Variants in RPAP2 observed in about 807,000 individuals in gnomAD.
The protein encoded by RPAP2 is RNA polymerase II associated protein 2, also known as putative RNA polymerase II subunit B1 CTD phosphatase RPAP2.
Under a neutral mutation model 73.1 loss-of-function variants are expected in RPAP2, and 52 were observed. The observed-to-expected ratio is 0.71, with a 90% confidence interval of 0.57 to 0.90. The LOEUF (loss-of-function observed/expected upper bound fraction) is 0.90, where lower values mean the gene tolerates loss of function less well. Among genes scored for constraint, RPAP2 ranks in the 40% least tolerant of loss-of-function variants. The pLI is 0.00. For synonymous variants in RPAP2, 225 were observed against 242.1 expected, an observed-to-expected ratio of 0.93 and a Z score of 0.65; for missense variants, 598 against 701.8, an observed-to-expected ratio of 0.85 and a Z score of 1.67.
chr1:92,312,330 A>G (rs1326715284), intron 6 of RPAP2, among the ~76,000 whole-genome samples: 1 of 152,018 alleles, frequency 6.6e-6, no homozygotes. Flanking sequence ...TGAGACTAGA[A>G]GATCACTTGA....
At chr1:92,371,838 G>A (rs1655166269) in intron 11 of RPAP2, among the ~76,000 whole-genome samples, 1 of 142,016 alleles carries the variant, frequency 7.0e-6, no homozygotes, top group South Asian at 2.2e-4. Context: ...GCTGCAGTGA[G>A]CTCCGATTGC....
intron 12 of RPAP2, among the ~76,000 whole-genome samples, chr1:92,381,124 G>A (rs6692060): frequency 0.86 from 131,196 of 151,956 alleles, 57,057 homozygotes; most frequent in East Asian, 1. Context: ...AGTCCAGGAA[G>A]CTCCGCATTA....
rs967717708 is a variant in RPAP2, at chr1:92,395,484, A to G, written c.*8473A>G. 1 of 151,968 alleles carries G rather than the reference A, an allele frequency of 6.6e-6. No individual in the cohort carries two copies. The highest frequency in any genetic ancestry group is 2.4e-5 in the African/African-American group (1 of 41,370). The allele number at this position is 151,968 out of a possible 1,614,324, so 9.4% of individuals were successfully genotyped here. A position where few individuals can be genotyped will look rare whatever the true frequency, so the allele number is the denominator to read the frequency against. ...AATGCCATCTCCACAAAAAATACAA[A>G]AATTAACCAGGCATGGTGGCGTGCT... On this transcript the variant is annotated 3_prime_UTR_variant, in exon 13 of 13. Coordinates refer to ENST00000610020, the MANE Select transcript of RPAP2 (RefSeq NM_024813.3).
At chr1:92,316,040 G>A (rs1651885759) in intron 6 of RPAP2, among the ~76,000 whole-genome samples, 1 of 152,162 alleles carries the variant, frequency 6.6e-6, no homozygotes, top group African/African-American at 2.4e-5. Flanking sequence ...AATCCTGTTT[G>A]GCTAAATGTA....
intron 10 of RPAP2, 104 bp from the exon 11 acceptor site, chr1:92,345,742 A>G: frequency 1.5e-6 from 1 of 677,302 alleles, no homozygotes; most frequent in Non-Finnish European, 2.5e-6. Flanking sequence ...TTTTAAAAAA[A>G]AGTGCTTCTT....
At chr1:92,322,817 C>T (rs533790656) in intron 7 of RPAP2, among the ~76,000 whole-genome samples, 1 of 151,418 alleles carries the variant, frequency 6.6e-6, no homozygotes, top group African/African-American at 2.4e-5. Flanking sequence ...GCAGAGGTTG[C>T]AGTGAGCTGA....
chr1:92,388,563 G>T lies in RPAP2; in HGVS notation c.*1552G>T, dbSNP rs541489388. 1 of 152,356 alleles carries T rather than the reference G, an allele frequency of 6.6e-6. No individual in the cohort carries two copies. The highest frequency in any genetic ancestry group is 1.9e-4 in the East Asian group (1 of 5,182). The allele number at this position is 152,356 out of a possible 1,614,324, so 9.4% of individuals were successfully genotyped here. On this transcript the variant is annotated 3_prime_UTR_variant, in exon 13 of 13. Coordinates refer to ENST00000610020, the MANE Select transcript of RPAP2 (RefSeq NM_024813.3). The stretch of plus-strand genomic sequence containing the variant: ...AGAGGGTTAGCCGAAGCAAGGTGGG[G>T]CATCGCCTCACCTGGGAAGCGCCAA...
chr1:92,303,888 T>TGA (rs1651030233), intron 3 of RPAP2, 89 bp from the exon 4 acceptor site: 2 of 815,840 alleles, frequency 2.5e-6, no homozygotes, highest in African/African-American at 1.8e-5. Context: ...TATCCCTGTG[T>TGA]TTTCAGATAA....
chr1:92,388,963 A>G lies in RPAP2; in HGVS notation c.*1952A>G, dbSNP rs556684108. The G allele has an allele frequency of 6.6e-6, 1 of 152,434 alleles. No homozygotes were observed. Among genetic ancestry groups the G allele is most frequent in the African/African-American group, 2.4e-5 (1 of 41,592 alleles). The allele number at this position is 152,434 out of a possible 1,614,324, so 9.4% of individuals were successfully genotyped here. On this transcript the variant is annotated 3_prime_UTR_variant, in exon 13 of 13. Transcript: ENST00000610020. ...TAGATTCCACCTCCAGGGGCAGGGC[A>G]TATCTGAACAAAAGGCAGCAGACAG...
At chr1:92,322,509 G>A (rs935231001) in intron 7 of RPAP2, among the ~76,000 whole-genome samples, 5 of 149,584 alleles carry the variant, frequency 3.3e-5, no homozygotes, top group South Asian at 2.1e-4. Context: ...TTGCCACTGC[G>A]CTCCAGCCTG....
intron 11 of RPAP2, among the ~76,000 whole-genome samples, chr1:92,366,214 G>T (rs1010817483): frequency 2.0e-5 from 3 of 152,140 alleles, no homozygotes; most frequent in African/African-American, 7.2e-5. Flanking sequence ...GAGGTAGAAG[G>T]ATTGCTTGAG....
At chr1:92,339,972 C>T (rs1290233614) in intron 10 of RPAP2, among the ~76,000 whole-genome samples, 1 of 152,102 alleles carries the variant, frequency 6.6e-6, no homozygotes, top group Non-Finnish European at 1.5e-5. Context: ...ACAGAAGAAA[C>T]ATGATTAGCT....
At position 92,396,929 on chromosome 1, in the gene RPAP2, C is replaced by T. The variant is rs1656197540; in HGVS notation, c.*9918C>T. 1 of 152,134 alleles carries T rather than the reference C, an allele frequency of 6.6e-6. No homozygotes were observed. The highest frequency in any genetic ancestry group is 2.1e-4 in the South Asian group (1 of 4,830). 9.4% of individuals were successfully genotyped at this position (152,134 alleles called of 1,614,324 possible). A position where few individuals can be genotyped will look rare whatever the true frequency, so the allele number is the denominator to read the frequency against. On this transcript the variant is annotated 3_prime_UTR_variant, in exon 13 of 13. Coordinates refer to ENST00000610020, the MANE Select transcript of RPAP2 (RefSeq NM_024813.3). ...CGCTGGGATTACAGGCGTGAGCCACCACACCCAGCCATTTTTGCACAACTT... is the reference window on the plus strand; with the variant it reads ...CGCTGGGATTACAGGCGTGAGCCACTACACCCAGCCATTTTTGCACAACTT...
intron 11 of RPAP2, among the ~76,000 whole-genome samples, chr1:92,348,157 G>T (rs1011673502): frequency 6.6e-6 from 1 of 152,186 alleles, no homozygotes; most frequent in African/African-American, 2.4e-5. Flanking sequence ...CCAAAGTGCT[G>T]TGATTACAGG....
rs1224400168 is a variant in RPAP2, at chr1:92,324,353, C to G, written c.1433C>G (p.Thr478Ser). The G allele has an allele frequency of 6.2e-7, 1 of 1,613,074 alleles. No homozygotes were observed. Among genetic ancestry groups the G allele is most frequent in the Admixed American group, 1.7e-5 (1 of 59,912 alleles). ...RGRYVLGEET[T>S]KSQDSEEHDS... ...CGGTATGTTTTGGGTGAAGAAACCA[C>G]CAAATCACAAGACTCAGAAGAGGTA... Residue 478 changes from threonine to serine, a missense_variant, in exon 8 of 13, where the codon ACC becomes AGC. Around this residue, in one of 3 missense-constraint regions of RPAP2, gnomAD observed 506 missense variants for 612.8 expected, o/e 0.83. Coordinates refer to ENST00000610020, the MANE Select transcript of RPAP2 (RefSeq NM_024813.3).
chr1:92,381,175 T>G (rs1655613770), intron 12 of RPAP2, among the ~76,000 whole-genome samples: 1 of 152,166 alleles, frequency 6.6e-6, no homozygotes, highest in African/African-American at 2.4e-5. Flanking sequence ...ACATGTCCCA[T>G]CTGATAAGTT....
At chr1:92,369,681 G>A (rs1655068077) in intron 11 of RPAP2, among the ~76,000 whole-genome samples, 1 of 152,074 alleles carries the variant, frequency 6.6e-6, no homozygotes, top group Non-Finnish European at 1.5e-5. Flanking sequence ...GTGTATTGGG[G>A]TAGGAGTTGT....
chr1:92,363,348 G>A (rs192658009), intron 11 of RPAP2, among the ~76,000 whole-genome samples: 10 of 152,320 alleles, frequency 6.6e-5, no homozygotes, highest in Admixed American at 6.5e-4. Flanking sequence ...GGTCTCAGAG[G>A]AGGCACAAGG....
intron 11 of RPAP2, 140 bp downstream of exon 11, chr1:92,346,054 T>C (rs1371379829): frequency 1.9e-6 from 1 of 538,206 alleles, no homozygotes; most frequent in Non-Finnish European, 3.3e-6. Flanking sequence ...TCCTTTCCTA[T>C]GTAAGAAAAC....
Sources: gnomAD v4.1 joint callset for allele counts (sites outside exome capture counted in the v4.1 genomes callset) on GRCh38, gnomAD v4.1.1 for gene constraint, gnomAD v4.1.1 regional missense constraint, MANE v1.5 for transcripts, NCBI Gene and HGNC (gene_info 2026-07-23, HGNC 2026-07-21) for gene names.